The following ADAMTS12 variants were observed in gnomAD, a reference collection of about 807,000 sequenced individuals.
ADAMTS12 encodes A disintegrin and metalloproteinase with thrombospondin motifs 12.
ADAMTS12 carries 118 observed loss-of-function variants against 167.8 expected under a neutral mutation model. That is an observed-to-expected ratio of 0.70 (90% CI 0.61 to 0.82). The LOEUF is 0.82. ADAMTS12 is among the 40% of genes least tolerant of loss of function. The pLI is 0.00. For synonymous variants in ADAMTS12, 704 were observed against 716.9 expected (o/e 0.98, Z 0.29); for missense variants, 1,916 against 1,998.8 (o/e 0.96, Z 0.79).
intron 1 of ADAMTS12, among the ~76,000 whole-genome samples, chr5:33,888,652 T>C (rs1486910589): frequency 1.4e-4 from 21 of 152,222 alleles, no homozygotes; most frequent in Non-Finnish European, 4.4e-5. Context: ...GACTGTCCTG[T>C]TGATTTCACA....
At chr5:33,559,794 C>G (rs1199577036) in intron 20 of ADAMTS12, among the ~76,000 whole-genome samples, 1 of 152,090 alleles carries the variant, frequency 6.6e-6, no homozygotes, top group Non-Finnish European at 1.5e-5. Context: ...GCACGAGAAT[C>G]GCTTGAACCC....
At chr5:33,550,043 G>A (rs1375001746) in intron 20 of ADAMTS12, among the ~76,000 whole-genome samples, 1 of 152,152 alleles carries the variant, frequency 6.6e-6, no homozygotes, top group Non-Finnish European at 1.5e-5. Flanking sequence ...CCATCACTGA[G>A]AGTCTTCTCA....
intron 20 of ADAMTS12, among the ~76,000 whole-genome samples, chr5:33,549,961 A>T (rs1375307957): frequency 6.6e-6 from 1 of 152,126 alleles, no homozygotes; most frequent in Non-Finnish European, 1.5e-5. Flanking sequence ...CAGTGGTTTG[A>T]CTCATGGGTG....
At chr5:33,777,020 G>C (rs11750049) in intron 2 of ADAMTS12, among the ~76,000 whole-genome samples, 18,163 of 152,092 alleles carry the variant, frequency 0.12, 1,314 homozygotes, top group Non-Finnish European at 0.15. Flanking sequence ...ATAAGGGATT[G>C]AATCAGAAAT....
intron 7 of ADAMTS12, among the ~76,000 whole-genome samples, chr5:33,651,074 G>A (rs1464175749): frequency 6.6e-6 from 1 of 152,074 alleles, no homozygotes; most frequent in East Asian, 1.9e-4. Flanking sequence ...AACTCACAAA[G>A]GAGTCAGAGA....
At chr5:33,689,327 A>C (rs920278649) in intron 3 of ADAMTS12, among the ~76,000 whole-genome samples, 4 of 152,110 alleles carry the variant, frequency 2.6e-5, no homozygotes, top group African/African-American at 9.7e-5. Flanking sequence ...AATCTTATTT[A>C]ACTTAGTGGC....
In ADAMTS12 at chr5:33,590,017, T is replaced by G. The variant is rs184037949; in HGVS notation, c.2655-1208A>C. The stretch of plus-strand genomic sequence containing the variant: ...CTTATTTATTCTTTGGTGTTTAACA[T>G]CAGTGGATAAAGAGCTAATAATATT... On this transcript the variant is annotated intron_variant, in intron 17 of 23. Transcript: ENST00000504830. 3.9e-5 allele frequency among the ~76,000 whole-genome samples: 6 copies of G among 152,326 alleles called. 1 individual carries two copies. In the East Asian group the frequency reaches 1.2e-3, roughly 29 times the overall value.
chr5:33,888,582 T>C (rs894582139), intron 1 of ADAMTS12, among the ~76,000 whole-genome samples: 1 of 152,228 alleles, frequency 6.6e-6, no homozygotes, highest in Non-Finnish European at 1.5e-5. Flanking sequence ...CTGAAAACAC[T>C]GCAACATTCC....
chr5:33,569,835 T>C lies in ADAMTS12; in HGVS notation c.3972+6219A>G, dbSNP rs564353727. Among the ~76,000 whole-genome samples, 9 of 152,210 alleles carry C rather than the reference T, an allele frequency of 5.9e-5. No individual in the cohort carries two copies. The East Asian group carries it at 1.7e-3, about 29-fold the overall frequency. ...GAAATTCAAACCAAAGGCAAAGAAG[T>C]TGAAAACTTTGAAAAAAATTTAGAC... On this transcript the variant is annotated intron_variant, in intron 19 of 23. Coordinates refer to ENST00000504830, the MANE Select transcript of ADAMTS12 (RefSeq NM_030955.4).
Position 33,546,121 on chromosome 5 carries a change from T to A in ADAMTS12, c.4384A>T (p.Thr1462Ser). The change falls in exon 22 of 24, where the codon ACA becomes TCA. Residue 1462 changes from threonine to serine, a missense_variant. Physicochemically the swap from Thr to Ser is moderately conservative, Grantham distance 58 (BLOSUM62 1). Transcript: ENST00000504830. ...TGCTCATTGCAAGACATGGTGGATGTGGGTCTTTTTGTCCAATCACAGAGG... is the reference window on the plus strand; with the variant it reads ...TGCTCATTGCAAGACATGGTGGATGAGGGTCTTTTTGTCCAATCACAGAGG... The part of the protein sequence containing the change: ...GGLCDWTKRP[T>S]STMSCNEHLC... The A allele has an allele frequency of 6.2e-7, 1 of 1,613,744 alleles. No homozygotes were observed. The highest frequency in any genetic ancestry group is 8.5e-7 in the Non-Finnish European group (1 of 1,179,946).
chr5:33,695,344 T>A (rs1343612639), intron 3 of ADAMTS12, among the ~76,000 whole-genome samples: 1 of 152,212 alleles, frequency 6.6e-6, no homozygotes, highest in Admixed American at 6.5e-5. Context: ...GAAATTTTTA[T>A]CAAGTATTTT....
At chr5:33,578,827 T>G (rs893605656) in intron 18 of ADAMTS12, among the ~76,000 whole-genome samples, 15 of 152,216 alleles carry the variant, frequency 9.9e-5, no homozygotes, top group African/African-American at 3.6e-4. Context: ...AATGTACAGC[T>G]GAAGGAGTGT....
At chr5:33,887,390 C>T (rs1405420438) in intron 1 of ADAMTS12, among the ~76,000 whole-genome samples, 1 of 152,074 alleles carries the variant, frequency 6.6e-6, no homozygotes, top group African/African-American at 2.4e-5. Context: ...TAAGCTCTGC[C>T]CTCACTGTGT....
chr5:33,589,349 A>G (rs1250236395), intron 17 of ADAMTS12, among the ~76,000 whole-genome samples: 1 of 152,210 alleles, frequency 6.6e-6, no homozygotes, highest in Non-Finnish European at 1.5e-5. Flanking sequence ...AATTGAATGT[A>G]AAGTAGCTAC....
At chr5:33,787,733 C>G (rs1746380806) in intron 2 of ADAMTS12, among the ~76,000 whole-genome samples, 1 of 152,230 alleles carries the variant, frequency 6.6e-6, no homozygotes, top group African/African-American at 2.4e-5. Context: ...CCCCCACCTC[C>G]TCAATGTCCC....
chr5:33,684,039 G>A lies in ADAMTS12; in HGVS notation c.651C>T (p.Ser217=). The A allele has an allele frequency of 1.3e-6, 2 of 1,599,084 alleles. No individual in the cohort carries two copies. Among genetic ancestry groups the A allele is most frequent in the Non-Finnish European group, 1.7e-6 (2 of 1,172,870 alleles). ...TCTCCCGCCATAGCTCTTGCTTCTG[G>A]GAGATGTTAACACTGTCTAAACAGT... The part of the protein sequence containing the change: ...TCGLKDSVNI[S]QKQELWREKW... Residue 217 remains serine (S), a synonymous_variant, in exon 4 of 24, where the codon TCC becomes TCT. Coordinates refer to ENST00000504830, the MANE Select transcript of ADAMTS12 (RefSeq NM_030955.4).
intron 7 of ADAMTS12, among the ~76,000 whole-genome samples, chr5:33,652,210 C>T (rs2112198121): frequency 6.6e-6 from 1 of 152,226 alleles, no homozygotes; most frequent in East Asian, 1.9e-4. Flanking sequence ...ATACTGTTTC[C>T]CATAGAGTTT....
intron 20 of ADAMTS12, among the ~76,000 whole-genome samples, chr5:33,549,912 G>C (rs1215460557): frequency 6.6e-6 from 1 of 152,210 alleles, no homozygotes; most frequent in Non-Finnish European, 1.5e-5. Flanking sequence ...TCTCTCTCAT[G>C]AAGGGCCTTG....
chr5:33,821,986 A>G (rs138904743), intron 2 of ADAMTS12, among the ~76,000 whole-genome samples: 219 of 152,342 alleles, frequency 1.4e-3, no homozygotes, highest in South Asian at 6.6e-3. Flanking sequence ...CACGTGTTTA[A>G]TCAAGATTTA....
Sources: allele counts gnomAD v4.1 joint callset (sites outside exome capture counted in the v4.1 genomes callset), GRCh38; gene constraint gnomAD v4.1.1; transcripts MANE v1.5; gene names NCBI Gene and HGNC (gene_info 2026-07-23, HGNC 2026-07-21).